SNTG2: variants seen among roughly 807,000 people sequenced by gnomAD.
The protein encoded by SNTG2 is syntrophin gamma 2.
A neutral mutation model predicts 70.9 loss-of-function variants in SNTG2; 74 were observed. That is an observed-to-expected ratio of 1.04 (90% CI 0.86 to 1.27). The LOEUF is 1.27. Ranked by LOEUF, SNTG2 falls within the 50% of genes most tolerant of loss-of-function variation. SNTG2 has a pLI of 0.00. For synonymous variants in SNTG2, 278 were observed against 273.8 expected (o/e 1.02, Z -0.15); for missense variants, 717 against 690.7 (o/e 1.04, Z -0.43).
At position 1,362,314 on chromosome 2, in the gene SNTG2, G is replaced by A. The variant is rs1380591528; in HGVS notation, c.1489-5029G>A. Among the ~76,000 whole-genome samples, 5 of 151,990 alleles carry A rather than the reference G, an allele frequency of 3.3e-5. 1 individual carries two copies. Among genetic ancestry groups the A allele is most frequent in the Non-Finnish European group, 7.4e-5 (5 of 68,002 alleles). On this transcript the variant is annotated intron_variant, in intron 16 of 16. Coordinates refer to ENST00000308624, the MANE Select transcript of SNTG2 (RefSeq NM_018968.4). ...CTTCCATGAAGGTCACCGACACTGAGCATTTCAGTAGAACTTCCGTGAAAG... is the reference window on the plus strand; with the variant it reads ...CTTCCATGAAGGTCACCGACACTGAACATTTCAGTAGAACTTCCGTGAAAG...
chr2:1,015,513 TA>T (rs373851169), intron 1 of SNTG2, among the ~76,000 whole-genome samples: 1 of 152,070 alleles, frequency 6.6e-6, no homozygotes, highest in East Asian at 1.9e-4. Context: ...GGCAGTGTCA[TA>T]AAAGGAAAAA....
intron 12 of SNTG2, among the ~76,000 whole-genome samples, chr2:1,253,352 T>A (rs1055882595): frequency 7.6e-6 from 1 of 131,130 alleles, no homozygotes; most frequent in Non-Finnish European, 1.6e-5. Flanking sequence ...GGGCCATCCG[T>A]GTAAATGTCC....
intron 1 of SNTG2, among the ~76,000 whole-genome samples, chr2:1,018,179 G>A (rs1659970974): frequency 6.6e-6 from 1 of 152,184 alleles, no homozygotes; most frequent in South Asian, 2.1e-4. Flanking sequence ...TTAATTCACA[G>A]TTCTTTTAAA....
chr2:1,166,268 C>T (rs1018228828), intron 7 of SNTG2, among the ~76,000 whole-genome samples: 3 of 152,130 alleles, frequency 2.0e-5, no homozygotes, highest in Admixed American at 2.0e-4. Flanking sequence ...GGAAAGGCCT[C>T]GAAGGCAAGG....
chr2:1,265,370 A>G (rs1438758012), intron 13 of SNTG2, among the ~76,000 whole-genome samples: 1 of 152,240 alleles, frequency 6.6e-6, no homozygotes, highest in Non-Finnish European at 1.5e-5. Context: ...GTTCACATAC[A>G]TTTCCACACA....
intron 6 of SNTG2, among the ~76,000 whole-genome samples, chr2:1,155,669 A>G (rs545364896): frequency 6.6e-6 from 1 of 152,250 alleles, no homozygotes; most frequent in South Asian, 2.1e-4. Context: ...TGCCTCTCCC[A>G]TTGCTTGGGG....
chr2:1,024,443 C>T (rs59903256), intron 1 of SNTG2, among the ~76,000 whole-genome samples: 6,553 of 152,246 alleles, frequency 0.043, 240 homozygotes, highest in African/African-American at 0.096. Context: ...GATCATGGCT[C>T]ACTGTAGCCT....
chr2:1,018,094 T>C (rs1281104099), intron 1 of SNTG2, among the ~76,000 whole-genome samples: 3 of 152,118 alleles, frequency 2.0e-5, no homozygotes, highest in Non-Finnish European at 1.5e-5. Context: ...GTTAGCAAAA[T>C]ATGTATGTTG....
At chr2:1,190,129 C>T (rs1302536052) in intron 8 of SNTG2, among the ~76,000 whole-genome samples, 1 of 151,714 alleles carries the variant, frequency 6.6e-6, no homozygotes, top group Non-Finnish European at 1.5e-5. Flanking sequence ...AAAGACCAAC[C>T]GAATTTGGGG....
intron 1 of SNTG2, among the ~76,000 whole-genome samples, chr2:1,020,233 G>A (rs1352750175): frequency 6.6e-6 from 1 of 152,228 alleles, no homozygotes; most frequent in Non-Finnish European, 1.5e-5. Flanking sequence ...TGGGGTGGAT[G>A]GTGGAGGACT....
At chr2:1,029,225 A>G (rs961786662) in intron 1 of SNTG2, among the ~76,000 whole-genome samples, 8 of 152,214 alleles carry the variant, frequency 5.3e-5, no homozygotes, top group African/African-American at 1.4e-4. Flanking sequence ...TCAGCTAACT[A>G]TAGGAGGCTA....
At chr2:1,354,899 G>A (rs977286389) in intron 16 of SNTG2, among the ~76,000 whole-genome samples, 1 of 152,202 alleles carries the variant, frequency 6.6e-6, no homozygotes, top group African/African-American at 2.4e-5. Flanking sequence ...CTGGGTAGAC[G>A]TTTCACAGGC....
chr2:1,300,047 C>T (rs371020098), intron 14 of SNTG2, among the ~76,000 whole-genome samples: 16 of 151,756 alleles, frequency 1.1e-4, no homozygotes, highest in African/African-American at 2.4e-4. Flanking sequence ...TTACCATCAC[C>T]GCTCTGAAGG....
At chr2:1,109,971 G>A (rs951924076) in intron 4 of SNTG2, among the ~76,000 whole-genome samples, 3 of 152,212 alleles carry the variant, frequency 2.0e-5, no homozygotes, top group African/African-American at 7.2e-5. Context: ...CTGAGCTGAA[G>A]GGCGGGTTCT....
At chr2:1,359,205 G>T (rs1427388523) in intron 16 of SNTG2, among the ~76,000 whole-genome samples, 1 of 151,938 alleles carries the variant, frequency 6.6e-6, no homozygotes, top group African/African-American at 2.4e-5. Flanking sequence ...TTAAAATTTT[G>T]TATATGAAAC....
At chr2:1,121,709 A>G (rs114272386) in intron 4 of SNTG2, among the ~76,000 whole-genome samples, 1,730 of 152,268 alleles carry the variant, frequency 0.011, 35 homozygotes, top group African/African-American at 0.04. Context: ...TTGTAGAACC[A>G]TCAGACCTTG....
At chr2:980,887 C>T (rs1461315061) in intron 1 of SNTG2, among the ~76,000 whole-genome samples, 1 of 152,182 alleles carries the variant, frequency 6.6e-6, no homozygotes, top group Admixed American at 6.5e-5. Flanking sequence ...GTTCCAGATA[C>T]CTAGGACCTC....
At chr2:1,145,044 C>T (rs1572557471) in intron 6 of SNTG2, among the ~76,000 whole-genome samples, 1 of 152,078 alleles carries the variant, frequency 6.6e-6, no homozygotes, top group Non-Finnish European at 1.5e-5. Flanking sequence ...TACAACTTAT[C>T]AAAATTTGTG....
At chr2:979,200 C>T (rs1661015318) in intron 1 of SNTG2, among the ~76,000 whole-genome samples, 1 of 152,022 alleles carries the variant, frequency 6.6e-6, no homozygotes, top group Non-Finnish European at 1.5e-5. Flanking sequence ...GGGGTATTGA[C>T]CTGGTTTGTG....
Sources: allele counts gnomAD v4.1 joint callset (sites outside exome capture counted in the v4.1 genomes callset), GRCh38; gene constraint gnomAD v4.1.1; transcripts MANE v1.5; gene names NCBI Gene and HGNC (gene_info 2026-07-23, HGNC 2026-07-21).